GRM3: variants seen among roughly 807,000 people sequenced by gnomAD.
GRM3 encodes glutamate metabotropic receptor 3.
A neutral mutation model predicts 70.5 loss-of-function variants in GRM3; 26 were observed. The observed-to-expected ratio is 0.37, with a 90% confidence interval of 0.27 to 0.51. GRM3 has a LOEUF of 0.51. Ranked by LOEUF, GRM3 falls within the 20% of genes least tolerant of loss-of-function variation. GRM3 has a pLI of 0.93. For missense variants in GRM3, 859 were observed against 1,123.8 expected (o/e 0.76, Z 3.37); for synonymous variants, 443 against 434.9 (o/e 1.02, Z -0.23).
intron 3 of GRM3, among the ~76,000 whole-genome samples, chr7:86,814,706 T>C (rs1797981401): frequency 6.6e-6 from 1 of 151,582 alleles, no homozygotes; most frequent in Non-Finnish European, 1.5e-5. Context: ...ATTTACCAAA[T>C]AGCTAGTAGC....
At chr7:86,820,839 A>C (rs1798104672) in intron 3 of GRM3, among the ~76,000 whole-genome samples, 1 of 152,142 alleles carries the variant, frequency 6.6e-6, no homozygotes, top group African/African-American at 2.4e-5. Context: ...CAACAAAGTA[A>C]ATGCTTCCAG....
intron 1 of GRM3, among the ~76,000 whole-genome samples, chr7:86,650,551 C>T (rs1485289843): frequency 3.3e-5 from 5 of 152,040 alleles, no homozygotes; most frequent in Non-Finnish European, 2.9e-5. Context: ...GAGGCAGAGA[C>T]ATGCAAATGG....
intron 1 of GRM3, among the ~76,000 whole-genome samples, chr7:86,740,034 T>C (rs903379812): frequency 1.3e-5 from 2 of 152,170 alleles, no homozygotes; most frequent in Non-Finnish European, 2.9e-5. Context: ...AGCTATTATA[T>C]ATTTAAGTTA....
intron 3 of GRM3, among the ~76,000 whole-genome samples, chr7:86,838,476 G>A (rs1273743631): frequency 6.6e-6 from 1 of 152,206 alleles, no homozygotes; most frequent in Non-Finnish European, 1.5e-5. Flanking sequence ...ATAAGAATGA[G>A]ACACAATGTT....
intron 1 of GRM3, among the ~76,000 whole-genome samples, chr7:86,704,868 T>G (rs1231577802): frequency 6.6e-6 from 1 of 151,938 alleles, no homozygotes; most frequent in Non-Finnish European, 1.5e-5. Context: ...CTTTATATTC[T>G]CAAAGGCTTG....
intron 1 of GRM3, among the ~76,000 whole-genome samples, chr7:86,720,174 A>G (rs1281041022): frequency 6.6e-6 from 1 of 152,034 alleles, no homozygotes; most frequent in African/African-American, 2.4e-5. Context: ...AAGTCAGAAA[A>G]CAGATCAGAC....
At chr7:86,735,969 T>C (rs1045701897) in intron 1 of GRM3, among the ~76,000 whole-genome samples, 4 of 152,186 alleles carry the variant, frequency 2.6e-5, no homozygotes, top group South Asian at 2.1e-4. Flanking sequence ...AAGTGAAATA[T>C]AGACTTGCCC....
At chr7:86,655,621 C>A (rs1404809533) in intron 1 of GRM3, among the ~76,000 whole-genome samples, 1 of 150,946 alleles carries the variant, frequency 6.6e-6, no homozygotes, top group African/African-American at 2.4e-5. Flanking sequence ...CCAGCAGGAG[C>A]CTCTTTCAAG....
chr7:86,792,550 T>G (rs1445123706), intron 3 of GRM3, among the ~76,000 whole-genome samples: 1 of 152,152 alleles, frequency 6.6e-6, no homozygotes, highest in East Asian at 1.9e-4. Context: ...CAAAAGAAAA[T>G]TCATCCAAGT....
In GRM3 at chr7:86,663,892, A is replaced by G. The variant is rs572802717; in HGVS notation, c.-141+19020A>G. 3.3e-5 allele frequency among the ~76,000 whole-genome samples: 5 copies of G among 152,138 alleles called. No individual in the cohort carries two copies. In the East Asian group the frequency reaches 7.7e-4, roughly 24 times the overall value. ...TTGATATCAGTGACATCAGGTTTTC[A>G]TGGGAAAAATGACAACTAAAGGATG... On this transcript the variant is annotated intron_variant, in intron 1 of 5. Transcript: ENST00000361669.
At chr7:86,701,908 T>G (rs189628944) in intron 1 of GRM3, among the ~76,000 whole-genome samples, 4 of 151,994 alleles carry the variant, frequency 2.6e-5, no homozygotes, top group African/African-American at 9.6e-5. Context: ...AACAATACTC[T>G]TAAGGTAAGC....
chr7:86,671,161 A>C (rs1794162003), intron 1 of GRM3, among the ~76,000 whole-genome samples: 1 of 152,154 alleles, frequency 6.6e-6, no homozygotes, highest in African/African-American at 2.4e-5. Context: ...CTCCTGAGCA[A>C]CTGGCACTAC....
chr7:86,821,547 C>G (rs560730410), intron 3 of GRM3, among the ~76,000 whole-genome samples: 2 of 152,216 alleles, frequency 1.3e-5, no homozygotes, highest in African/African-American at 4.8e-5. Context: ...GTAAACAAGA[C>G]GCGAAAAATG....
chr7:86,801,863 G>T (rs17697543), intron 3 of GRM3, among the ~76,000 whole-genome samples: 1 of 152,006 alleles, frequency 6.6e-6, no homozygotes, highest in Non-Finnish European at 1.5e-5. Context: ...AATTAAATTG[G>T]AACCGTAAAG....
chr7:86,647,363 T>C (rs1002531980), intron 1 of GRM3, among the ~76,000 whole-genome samples: 4 of 152,180 alleles, frequency 2.6e-5, no homozygotes, highest in Admixed American at 1.3e-4. Flanking sequence ...ATGTAGCACA[T>C]TGGCTTGGGG....
intron 2 of GRM3, among the ~76,000 whole-genome samples, chr7:86,772,449 C>A (rs1027729182): frequency 6.6e-6 from 1 of 152,074 alleles, no homozygotes; most frequent in African/African-American, 2.4e-5. Context: ...TTGCCCCCAT[C>A]GTCCTCACTC....
chr7:86,752,785 T>C (rs1796259739), intron 1 of GRM3, among the ~76,000 whole-genome samples: 1 of 152,092 alleles, frequency 6.6e-6, no homozygotes, highest in Non-Finnish European at 1.5e-5. Flanking sequence ...GAAATATTCT[T>C]CTTTTGACAT....
chr7:86,844,925 TG>T (rs1199896654), intron 4 of GRM3, among the ~76,000 whole-genome samples: 16 of 152,124 alleles, frequency 1.1e-4, no homozygotes, highest in Non-Finnish European at 1.8e-4. Context: ...GTTTCGCTCT[TG>T]TCACCCAGGC....
At chr7:86,700,721 AC>A (rs1794928977) in intron 1 of GRM3, among the ~76,000 whole-genome samples, 1 of 151,974 alleles carries the variant, frequency 6.6e-6, no homozygotes, top group Non-Finnish European at 1.5e-5. Flanking sequence ...CTGATGTTTT[AC>A]AGAGAATACA....
Sources: gnomAD v4.1 joint callset for allele counts (sites outside exome capture counted in the v4.1 genomes callset) on GRCh38, gnomAD v4.1.1 for gene constraint, MANE v1.5 for transcripts, NCBI Gene and HGNC (gene_info 2026-07-23, HGNC 2026-07-21) for gene names.